The following PTPN9 variants were observed in gnomAD, a reference collection of about 807,000 sequenced individuals.
PTPN9 encodes tyrosine-protein phosphatase non-receptor type 9.
A neutral mutation model predicts 69.8 loss-of-function variants in PTPN9; 26 were observed. That is an observed-to-expected ratio of 0.37 (90% CI 0.27 to 0.52). The LOEUF (loss-of-function observed/expected upper bound fraction) is 0.52. Ranked by LOEUF, PTPN9 falls within the 20% of genes least tolerant of loss-of-function variation. The pLI, the probability that PTPN9 is intolerant of heterozygous loss-of-function variation, is 0.91. For synonymous variants in PTPN9, 274 were observed against 272.5 expected (o/e 1.01, Z -0.05); for missense variants, 549 against 740.3 (o/e 0.74, Z 3.00).
intron 1 of PTPN9, among the ~76,000 whole-genome samples, chr15:75,534,311 C>T (rs2074974203): frequency 6.6e-6 from 1 of 152,160 alleles, no homozygotes; most frequent in Non-Finnish European, 1.5e-5. Flanking sequence ...ACCTCTGTTG[C>T]TTCCCTTTAG....
intron 1 of PTPN9, among the ~76,000 whole-genome samples, chr15:75,566,315 C>A (rs916304512): frequency 3.3e-5 from 5 of 152,166 alleles, no homozygotes; most frequent in African/African-American, 4.8e-5. Flanking sequence ...GAGATCTCAG[C>A]ATTTAATAGC....
At position 75,529,632 on chromosome 15, in the gene PTPN9, G is replaced by A. The variant is rs539087485; in HGVS notation, c.64-2371C>T. On this transcript the variant is annotated intron_variant, in intron 1 of 12. Transcript: ENST00000618819. ...TCAATTGAAAAATAAAGGGAGGACC[G>A]GGCACGGTGGCCCACAACTATAATC... 9.2e-5 allele frequency among the ~76,000 whole-genome samples: 14 copies of A among 152,284 alleles called. No homozygotes were observed. The South Asian group carries it at 1.7e-3, about 18-fold the overall frequency.
chr15:75,498,980 C>T (rs1168320859), intron 7 of PTPN9, among the ~76,000 whole-genome samples: 1 of 152,084 alleles, frequency 6.6e-6, no homozygotes, highest in Non-Finnish European at 1.5e-5. Flanking sequence ...TGATATTACA[C>T]TATAGTTTTG....
intron 7 of PTPN9, among the ~76,000 whole-genome samples, chr15:75,493,932 T>C (rs2074725060): frequency 6.6e-6 from 1 of 152,082 alleles, no homozygotes; most frequent in South Asian, 2.1e-4. Context: ...TAAGTATATA[T>C]TGACAGTGTT....
At chr15:75,507,446 C>CAAA (rs762520293) in intron 6 of PTPN9, among the ~76,000 whole-genome samples, 11 of 89,182 alleles carry the variant, frequency 1.2e-4, no homozygotes, top group African/African-American at 3.7e-4. Context: ...AACTCTGTCG[C>CAAA]AAAAAAAAAA....
rs142364317 is a variant in PTPN9 at position 75,513,837 on chromosome 15, G to A, written c.528+3422C>T. On this transcript the variant is annotated intron_variant, in intron 5 of 12. Coordinates refer to ENST00000618819, the MANE Select transcript of PTPN9 (RefSeq NM_002833.4). ...AAAAGGGCTGGGCACGGTGGCTCACGTCTTTAATCCTAGCACTCTGGGAAG... is the reference window on the plus strand; with the variant it reads ...AAAAGGGCTGGGCACGGTGGCTCACATCTTTAATCCTAGCACTCTGGGAAG... Among the ~76,000 whole-genome samples, 601 of 151,778 alleles carry A rather than the reference G, an allele frequency of 4.0e-3. 7 individuals are homozygous for A. The highest frequency in any genetic ancestry group is 0.014 in the African/African-American group (568 of 41,386).
In PTPN9 at chr15:75,524,153, C is replaced by T. The variant is rs753635190; in HGVS notation, c.297+56G>A. The T allele has an allele frequency of 8.6e-6, 7 of 809,754 alleles. No homozygotes were observed. The East Asian group carries it at 1.8e-4, about 21-fold the overall frequency. The allele number at this position is 809,754 out of a possible 1,614,324, so 50.2% of individuals were successfully genotyped here. On this transcript the variant is annotated intron_variant, in intron 3 of 12. Coordinates refer to ENST00000618819, the MANE Select transcript of PTPN9 (RefSeq NM_002833.4). ...AAAAAAAAACAAAGTCCAAACAGGACACCAGTTAAAAAAGGAAGTAATAAG... is the reference window on the plus strand; with the variant it reads ...AAAAAAAAACAAAGTCCAAACAGGATACCAGTTAAAAAAGGAAGTAATAAG...
chr15:75,557,659 T>C (rs2075083512), intron 1 of PTPN9, among the ~76,000 whole-genome samples: 1 of 152,198 alleles, frequency 6.6e-6, no homozygotes, highest in Non-Finnish European at 1.5e-5. Flanking sequence ...TTTTGTTTTG[T>C]TTTACTTCTA....
intron 1 of PTPN9, among the ~76,000 whole-genome samples, chr15:75,540,716 A>C (rs1480794221): frequency 6.6e-6 from 1 of 152,020 alleles, no homozygotes; most frequent in Non-Finnish European, 1.5e-5. Flanking sequence ...TGGGAGGCTG[A>C]GGTGGGAGGA....
intron 8 of PTPN9, among the ~76,000 whole-genome samples, chr15:75,483,708 T>C (rs1434624382): frequency 6.6e-6 from 1 of 152,212 alleles, no homozygotes; most frequent in East Asian, 1.9e-4. Context: ...ATGTGAACTG[T>C]TGGAGGCCGA....
At chr15:75,572,591 T>C (rs1370966391) in intron 1 of PTPN9, among the ~76,000 whole-genome samples, 1 of 151,986 alleles carries the variant, frequency 6.6e-6, no homozygotes, top group Non-Finnish European at 1.5e-5. Flanking sequence ...GGTGCATGCC[T>C]GTAGTCCCAG....
chr15:75,522,712 G>A (rs185156926), intron 4 of PTPN9, among the ~76,000 whole-genome samples: 49 of 152,142 alleles, frequency 3.2e-4, no homozygotes, highest in Admixed American at 3.0e-3. Flanking sequence ...GCCCTCCCCT[G>A]AATGTTGAGT....
chr15:75,546,765 AATG>A (rs1450925574), intron 1 of PTPN9, among the ~76,000 whole-genome samples: 2 of 152,106 alleles, frequency 1.3e-5, no homozygotes, highest in Non-Finnish European at 2.9e-5. Context: ...TTCATCCTAA[AATG>A]ATAAGAGAAC....
chr15:75,547,325 A>ACAGGCT (rs2075037794), intron 1 of PTPN9, among the ~76,000 whole-genome samples: 1 of 144,050 alleles, frequency 6.9e-6, no homozygotes, highest in African/African-American at 2.6e-5. Context: ...AAGGCCAGGC[A>ACAGGCT]CAGTGGCTCA....
chr15:75,473,817 T>G (rs773644895), intron 9 of PTPN9, 50 bp from the exon 10 acceptor site: 19 of 1,449,644 alleles, frequency 1.3e-5, no homozygotes, highest in Non-Finnish European at 1.7e-5. Context: ...AACACTTTTT[T>G]TCTTTTGTAG....
chr15:75,553,055 C>T (rs1431432890), intron 1 of PTPN9, among the ~76,000 whole-genome samples: 1 of 151,720 alleles, frequency 6.6e-6, no homozygotes, highest in African/African-American at 2.4e-5. Context: ...CTTCTCTGAA[C>T]CTTAATTTCG....
intron 8 of PTPN9, among the ~76,000 whole-genome samples, chr15:75,485,528 C>T (rs192261571): frequency 0.012 from 1,859 of 150,394 alleles, 136 homozygotes; most frequent in Admixed American, 0.11. Flanking sequence ...GCCACCGCGC[C>T]CGGCTAATTT....
intron 7 of PTPN9, among the ~76,000 whole-genome samples, chr15:75,491,156 A>G (rs1354897746): frequency 6.6e-6 from 1 of 151,604 alleles, no homozygotes; most frequent in East Asian, 2.0e-4. Flanking sequence ...TAATCCCAGC[A>G]CTTTGGGAGG....
chr15:75,510,352 C>T (rs2074839740), intron 5 of PTPN9, among the ~76,000 whole-genome samples: 1 of 152,100 alleles, frequency 6.6e-6, no homozygotes, highest in Admixed American at 6.6e-5. Flanking sequence ...CTCAAATGAT[C>T]CTCCCACCTC....
Sources: allele counts gnomAD v4.1 joint callset (sites outside exome capture counted in the v4.1 genomes callset), GRCh38; gene constraint gnomAD v4.1.1; transcripts MANE v1.5; gene names NCBI Gene and HGNC (gene_info 2026-07-23, HGNC 2026-07-21).